Variants in AKT3 observed in about 807,000 individuals in gnomAD.
The protein encoded by AKT3 is RAC-gamma serine/threonine-protein kinase.
Under a neutral mutation model 65.3 loss-of-function variants are expected in AKT3, and 15 were observed. The observed-to-expected ratio is 0.23, with a 90% CI of 0.15 to 0.35. The LOEUF (loss-of-function observed/expected upper bound fraction) is 0.35. Among genes scored for constraint, AKT3 ranks in the 10% least tolerant of loss-of-function variants. The pLI is 1.00. For missense variants in AKT3, 243 were observed against 576.5 expected (o/e 0.42, Z 5.92); for synonymous variants, 206 against 183.8 (o/e 1.12, Z -0.98).
intron 2 of AKT3, among the ~76,000 whole-genome samples, chr1:243,807,419 C>T (rs556391352): frequency 6.6e-6 from 1 of 152,346 alleles, no homozygotes; most frequent in East Asian, 1.9e-4. Context: ...CCTATGCCCA[C>T]AGAGCCTCGC....
At chr1:243,698,904 A>G (rs1192372286) in intron 2 of AKT3, among the ~76,000 whole-genome samples, 1 of 147,788 alleles carries the variant, frequency 6.8e-6, no homozygotes, top group Admixed American at 6.7e-5. Context: ...TTTGTTACAG[A>G]GGCTGGACCA....
chr1:243,524,007 G>A (rs568805346), intron 12 of AKT3, among the ~76,000 whole-genome samples: 3 of 152,294 alleles, frequency 2.0e-5, no homozygotes, highest in South Asian at 2.1e-4. Flanking sequence ...AGCCTAGATG[G>A]TGTAACCTAC....
At chr1:243,624,708 A>C (rs1369413662) in intron 6 of AKT3, 2 of 201,484 alleles carry the variant, frequency 9.9e-6, no homozygotes, top group Non-Finnish European at 2.2e-5. Flanking sequence ...ACCAAAAGTA[A>C]GTCATAACCA....
chr1:243,748,544 G>A (rs1688615278), intron 2 of AKT3, among the ~76,000 whole-genome samples: 1 of 151,976 alleles, frequency 6.6e-6, no homozygotes, highest in Non-Finnish European at 1.5e-5. Context: ...CAGCAGATAA[G>A]TAAATAAAAC....
rs1356687860 is a variant in AKT3 at position 243,499,865 on chromosome 1, G to A, written c.*5384C>T. The A allele has an allele frequency of 7.2e-6, 10 of 1,380,510 alleles. No homozygotes were observed. The highest frequency in any genetic ancestry group is 3.4e-5 in the Admixed American group (2 of 58,532). The allele number at this position is 1,380,510 out of a possible 1,614,324, so 85.5% of individuals were successfully genotyped here. A position where few individuals can be genotyped will look rare whatever the true frequency, so the allele number is the denominator to read the frequency against. On this transcript the variant is annotated 3_prime_UTR_variant, in exon 14 of 14. Transcript: ENST00000673466. Reference sequence around the variant, plus strand: ...TGGTTTAGACTTAATATGCCACAACGCACCACGACCTTCCCAGGGTGACAC... The same window carrying A: ...TGGTTTAGACTTAATATGCCACAACACACCACGACCTTCCCAGGGTGACAC...
At chr1:243,642,407 T>A (rs547119676) in intron 5 of AKT3, among the ~76,000 whole-genome samples, 1 of 152,332 alleles carries the variant, frequency 6.6e-6, no homozygotes, top group South Asian at 2.1e-4. Context: ...CCTCCTGAGA[T>A]CACGACATTC....
intron 2 of AKT3, among the ~76,000 whole-genome samples, chr1:243,821,812 A>G (rs1693870802): frequency 6.6e-6 from 1 of 152,102 alleles, no homozygotes; most frequent in Admixed American, 6.6e-5. Flanking sequence ...AGAGACAAAG[A>G]CTCCCATATA....
rs553593486 is a variant in AKT3 at position 243,623,003 on chromosome 1, C to T, written c.562-7842G>A. On this transcript the variant is annotated intron_variant, in intron 6 of 13. Coordinates refer to ENST00000673466, the MANE Select transcript of AKT3 (RefSeq NM_005465.7). ...TGGGTTGCCCAAACTCTACACATTCCCAAAAAAGTCAGTCTTCAGAACTGG... is the reference window on the plus strand; with the variant it reads ...TGGGTTGCCCAAACTCTACACATTCTCAAAAAAGTCAGTCTTCAGAACTGG... 5.1e-4 allele frequency among the ~76,000 whole-genome samples: 77 copies of T among 152,284 alleles called. No homozygotes were observed. In the South Asian group the frequency reaches 0.016, roughly 31 times the overall value.
intron 8 of AKT3, among the ~76,000 whole-genome samples, chr1:243,577,928 G>T (rs1176685216): frequency 6.6e-6 from 1 of 152,076 alleles, no homozygotes; most frequent in Non-Finnish European, 1.5e-5. Flanking sequence ...ACAAACACAT[G>T]AAAAAAAGCT....
Position 243,512,425 on chromosome 1 carries a change from A to G in AKT3, c.1253T>C (p.Leu418Pro), listed in dbSNP as rs1344843803. Residue 418 changes from leucine to proline, a missense_variant and splice_region_variant, in exon 13 of 14, where the codon CTT (leucine) becomes CCT (proline). Leu to Pro is a moderately conservative substitution (Grantham distance 98, BLOSUM62 -3). Transcript: ENST00000673466. The stretch of plus-strand genomic sequence containing the variant: ...TACTTGAGGTTTAAAAGGAGGTACA[A>G]GCTGTAAAAAGAAAGAAAAAGAGTT... ...VNWQDVYDKK[L>P]VPPFKPQVTS... The G allele has an allele frequency of 6.5e-7, 1 of 1,526,878 alleles. No individual in the cohort carries two copies. The allele number at this position is 1,526,878 out of a possible 1,614,324, so 94.6% of individuals were successfully genotyped here.
chr1:243,770,323 T>C (rs1690098934), intron 2 of AKT3, among the ~76,000 whole-genome samples: 1 of 152,148 alleles, frequency 6.6e-6, no homozygotes, highest in South Asian at 2.1e-4. Context: ...TCCTATCCCA[T>C]TATTTAATAA....
At chr1:243,813,277 A>G (rs1468346326) in intron 2 of AKT3, among the ~76,000 whole-genome samples, 3 of 152,330 alleles carry the variant, frequency 2.0e-5, no homozygotes, top group African/African-American at 7.2e-5. Context: ...AAAAAGGTTC[A>G]ACCTGAATCT....
chr1:243,571,074 T>C (rs1574628619), intron 9 of AKT3, among the ~76,000 whole-genome samples: 3 of 152,156 alleles, frequency 2.0e-5, no homozygotes, highest in Admixed American at 6.5e-5. Context: ...AATCCCAGCA[T>C]TTTGGAAGGT....
chr1:243,848,625 AGT>A (rs1695614748), intron 1 of AKT3, among the ~76,000 whole-genome samples: 1 of 152,222 alleles, frequency 6.6e-6, no homozygotes, highest in Non-Finnish European at 1.5e-5. Context: ...AGTGATGTAT[AGT>A]TCTACTAAAA....
intron 2 of AKT3, among the ~76,000 whole-genome samples, chr1:243,696,180 T>C (rs1685052854): frequency 6.6e-6 from 1 of 151,898 alleles, no homozygotes; most frequent in East Asian, 1.9e-4. Context: ...AAAAGTCTAT[T>C]TTCATTAATA....
intron 2 of AKT3, among the ~76,000 whole-genome samples, chr1:243,802,182 T>G (rs966601053): frequency 2.0e-5 from 3 of 152,124 alleles, no homozygotes; most frequent in African/African-American, 7.2e-5. Flanking sequence ...TTGTATACTT[T>G]TTTGCTGGCT....
At chr1:243,675,894 G>A (rs923327170) in intron 3 of AKT3, among the ~76,000 whole-genome samples, 3 of 152,012 alleles carry the variant, frequency 2.0e-5, no homozygotes, top group African/African-American at 7.3e-5. Flanking sequence ...AGACCTTTCT[G>A]TTATGCTTTT....
intron 1 of AKT3, among the ~76,000 whole-genome samples, chr1:243,844,766 T>C (rs1278041561): frequency 6.6e-6 from 1 of 152,228 alleles, no homozygotes; most frequent in Admixed American, 6.5e-5. Context: ...ACATCGAATT[T>C]ATCCCATGGG....
chr1:243,812,796 T>C (rs1693249800), intron 2 of AKT3, among the ~76,000 whole-genome samples: 1 of 151,856 alleles, frequency 6.6e-6, no homozygotes, highest in African/African-American at 2.4e-5. Flanking sequence ...ATAGATTGGA[T>C]TAAGAAAATG....
Sources: allele counts gnomAD v4.1 joint callset (sites outside exome capture counted in the v4.1 genomes callset), GRCh38; gene constraint gnomAD v4.1.1; transcripts MANE v1.5; gene names NCBI Gene and HGNC (gene_info 2026-07-23, HGNC 2026-07-21).